Variants in SATB1 observed in about 807,000 individuals in gnomAD.
SATB1 encodes DNA-binding protein SATB1.
Under a neutral mutation model 86.9 loss-of-function variants are expected in SATB1, and 11 were observed. The ratio of observed to expected loss-of-function variants is 0.13; its 90% CI spans 0.08 to 0.21. The LOEUF (loss-of-function observed/expected upper bound fraction) is 0.21, where lower values mean the gene tolerates loss of function less well. SATB1 is among the 10% of genes least tolerant of loss of function. The probability of loss-of-function intolerance (pLI) is 1.00; values close to 1 mark genes in which losing one functional copy is unlikely to be tolerated. For synonymous variants in SATB1, 357 were observed against 357.2 expected (o/e 1.00, Z 0.01); for missense variants, 551 against 937.6 (o/e 0.59, Z 5.39).
At chr3:18,351,154 A>G (rs1040929694) in intron 10 of SATB1, 14 of 668,162 alleles carry the variant, frequency 2.1e-5, no homozygotes, top group Non-Finnish European at 3.8e-5. Flanking sequence ...ATGACATGAC[A>G]AACAAAGCAT....
chr3:18,395,197 C>T (rs911389844), intron 6 of SATB1, among the ~76,000 whole-genome samples: 3 of 152,160 alleles, frequency 2.0e-5, no homozygotes, highest in African/African-American at 7.2e-5. Context: ...CTCTTTCCAA[C>T]TAGTTGTTCA....
Position 18,378,117 on chromosome 3 carries a change from A to C in SATB1, c.1575+53T>G, listed in dbSNP as rs573151687. On this transcript the variant is annotated intron_variant, in intron 9 of 10. Coordinates refer to ENST00000338745, the MANE Select transcript of SATB1 (RefSeq NM_002971.6). ...GAAAATAGACACTCCTTTTAATGAAAATTCTACAGGCAACACAGATAAACA... is the reference window on the plus strand; with the variant it reads ...GAAAATAGACACTCCTTTTAATGAACATTCTACAGGCAACACAGATAAACA... The C allele has an allele frequency of 2.1e-5, 30 of 1,460,174 alleles. No homozygotes were observed. The African/African-American group carries it at 3.8e-4, about 19-fold the overall frequency. The allele number at this position is 1,460,174 out of a possible 1,614,324, so 90.5% of individuals were successfully genotyped here.
At chr3:18,356,967 A>G (rs1410409616) in intron 9 of SATB1, among the ~76,000 whole-genome samples, 3 of 151,872 alleles carry the variant, frequency 2.0e-5, no homozygotes, top group South Asian at 2.1e-4. Flanking sequence ...ATTTAATGCA[A>G]TATACATATA....
chr3:18,378,365 C>A (rs902395118), intron 8 of SATB1, 40 bp from the exon 9 acceptor site: 17 of 1,601,266 alleles, frequency 1.1e-5, no homozygotes, highest in Non-Finnish European at 1.4e-5. Flanking sequence ...TTTTCATTGG[C>A]TGAATTGTTT....
intron 1 of SATB1, 151 bp from the exon 2 acceptor site, chr3:18,421,142 A>G (rs879561070): frequency 6.6e-5 from 39 of 592,054 alleles, no homozygotes; most frequent in Middle Eastern, 8.8e-4. Context: ...AGATGTTACT[A>G]TATTTCTAGA....
At chr3:18,419,182 A>C (rs1367054219) in intron 2 of SATB1, among the ~76,000 whole-genome samples, 1 of 152,164 alleles carries the variant, frequency 6.6e-6, no homozygotes, top group African/African-American at 2.4e-5. Context: ...AGTACTATCT[A>C]ATTACAGACC....
At position 18,345,697 on chromosome 3, in the gene SATB1, T is replaced by G. The variant is rs1022702393; in HGVS notation, c.*3473A>C. 1 of 152,126 alleles carries G rather than the reference T, an allele frequency of 6.6e-6. No homozygotes were observed. Among genetic ancestry groups the G allele is most frequent in the Non-Finnish European group, 1.5e-5 (1 of 67,964 alleles). 9.4% of individuals were successfully genotyped at this position (152,126 alleles called of 1,614,324 possible). Reference sequence around the variant, plus strand: ...ATTAATATTTTGGACCTCCATTGGTTTCCACACTATCATGCAAATTTCCAA... The same window carrying G: ...ATTAATATTTTGGACCTCCATTGGTGTCCACACTATCATGCAAATTTCCAA... On this transcript the variant is annotated 3_prime_UTR_variant, in exon 11 of 11. Transcript: ENST00000338745.
At chr3:18,375,711 G>A (rs1269240785) in intron 9 of SATB1, among the ~76,000 whole-genome samples, 1 of 152,038 alleles carries the variant, frequency 6.6e-6, no homozygotes, top group African/African-American at 2.4e-5. Flanking sequence ...GGTTTCTTTT[G>A]TTAGTGATAT....
At chr3:18,407,447 CA>C (rs1372606865) in intron 5 of SATB1, among the ~76,000 whole-genome samples, 1 of 152,002 alleles carries the variant, frequency 6.6e-6, no homozygotes, top group Middle Eastern at 3.2e-3. Flanking sequence ...ATGTGGCATG[CA>C]CAAGTGTGAT....
chr3:18,413,108 T>C (rs1170344798), intron 5 of SATB1, among the ~76,000 whole-genome samples: 3 of 152,046 alleles, frequency 2.0e-5, no homozygotes, highest in Non-Finnish European at 2.9e-5. Context: ...CAGGAAGCCA[T>C]ATATCTGAAA....
chr3:18,384,757 TA>T (rs1342690615), intron 8 of SATB1, among the ~76,000 whole-genome samples: 6 of 152,218 alleles, frequency 3.9e-5, no homozygotes, highest in African/African-American at 1.4e-4. Flanking sequence ...TCATATTTTT[TA>T]TACATAAAGA....
chr3:18,352,292 T>A lies in SATB1; in HGVS notation c.1576-97A>T. 9.9e-7 allele frequency: 1 copy of A among 1,014,082 alleles called. No individual in the cohort carries two copies. The highest frequency in any genetic ancestry group is 1.5e-6 in the Non-Finnish European group (1 of 670,878). 62.8% of individuals were successfully genotyped at this position (1,014,082 alleles called of 1,614,324 possible). A position where few individuals can be genotyped will look rare whatever the true frequency, so the allele number is the denominator to read the frequency against. On this transcript the variant is annotated intron_variant, in intron 9 of 10. Coordinates refer to ENST00000338745, the MANE Select transcript of SATB1 (RefSeq NM_002971.6). The surrounding 1 kb of genome is among the most constrained non-coding windows in gnomAD (Gnocchi z 4.1). The stretch of plus-strand genomic sequence containing the variant: ...AAGGAAAAACCCTATGAATTAACTT[T>A]TTCATAAGCTCAGAACACACCATTC...
At chr3:18,440,894 C>T (rs527677042), upstream of SATB1, among the ~76,000 whole-genome samples, 19 of 152,236 alleles carry the variant, frequency 1.2e-4, no homozygotes, top group African/African-American at 4.6e-4. Flanking sequence ...TAAGCACAAA[C>T]CACACAAAAC....
At chr3:18,428,094 T>A (rs1289142459), upstream of SATB1, among the ~76,000 whole-genome samples, 1 of 152,214 alleles carries the variant, frequency 6.6e-6, no homozygotes, top group Non-Finnish European at 1.5e-5. Context: ...ACAGAATACC[T>A]GAAATTGGGT....
At chr3:18,408,832 C>G (rs1247794414) in intron 5 of SATB1, 26 of 151,944 alleles carry the variant, frequency 1.7e-4, no homozygotes, top group Non-Finnish European at 2.9e-5. Context: ...TACTCTAAAA[C>G]TAGTTCTGTT....
intron 7 of SATB1, among the ~76,000 whole-genome samples, chr3:18,390,020 A>G (rs937514268): frequency 6.6e-6 from 1 of 152,136 alleles, no homozygotes; most frequent in African/African-American, 2.4e-5. Context: ...GAATTCCTAA[A>G]CCTGTTTTTA....
At chr3:18,436,964 G>C (rs1225848993) in intron 1 of SATB1, 2 of 152,118 alleles carry the variant, frequency 1.3e-5, no homozygotes, top group Non-Finnish European at 2.9e-5. Context: ...AATCCCTCTA[G>C]TTTCAGTAAC....
intron 5 of SATB1, among the ~76,000 whole-genome samples, chr3:18,406,964 T>G (rs1697571089): frequency 6.6e-6 from 1 of 152,070 alleles, no homozygotes; most frequent in Non-Finnish European, 1.5e-5. Context: ...TCAGGATCTA[T>G]GACAGTGATG....
chr3:18,426,222 A>G (rs543418466), upstream of SATB1, among the ~76,000 whole-genome samples: 5 of 152,352 alleles, frequency 3.3e-5, no homozygotes, highest in South Asian at 1.0e-3. This position sits in a 1 kb window ranked among gnomAD's most constrained non-coding sequence, Gnocchi z 4.2. Context: ...AGGAGCCAAC[A>G]TTAGAAAGAA....
Sources: allele counts gnomAD v4.1 joint callset (sites outside exome capture counted in the v4.1 genomes callset), GRCh38; gene constraint gnomAD v4.1.1; non-coding constraint Gnocchi (gnomAD v3.1); transcripts MANE v1.5; gene names NCBI Gene and HGNC (gene_info 2026-07-23, HGNC 2026-07-21).